PRPF39: variants seen among roughly 807,000 people sequenced by gnomAD.
PRPF39 encodes pre-mRNA processing factor 39.
In PRPF39, 27 loss-of-function variants were observed where a neutral mutation model predicts 82.1. The ratio of observed to expected loss-of-function variants is 0.33; its 90% confidence interval spans 0.24 to 0.45. PRPF39 has a LOEUF of 0.45. Among genes scored for constraint, PRPF39 ranks in the 20% least tolerant of loss-of-function variants. The pLI is 1.00. For synonymous variants in PRPF39, 261 were observed against 256.4 expected (o/e 1.02, Z -0.17); for missense variants, 581 against 796.9 (o/e 0.73, Z 3.26).
chr14:45,104,467 G>C lies in PRPF39; in HGVS notation c.737+1771G>C, dbSNP rs192406864. ...CCATAACACATGCCTCTTTCTTAAAGTCATTTATTTAGCATTTGCTGTGTA... is the reference window on the plus strand; with the variant it reads ...CCATAACACATGCCTCTTTCTTAAACTCATTTATTTAGCATTTGCTGTGTA... On this transcript the variant is annotated intron_variant, in intron 5 of 13. Transcript: ENST00000355765. 2.8e-4 allele frequency among the ~76,000 whole-genome samples: 43 copies of C among 151,794 alleles called. No individual in the cohort carries two copies. In the East Asian group the frequency reaches 8.0e-3, roughly 28 times the overall value.
At chr14:45,099,490 G>A (rs968875016) in intron 4 of PRPF39, among the ~76,000 whole-genome samples, 2 of 151,544 alleles carry the variant, frequency 1.3e-5, no homozygotes, top group African/African-American at 4.9e-5. Flanking sequence ...TCTCCCCCAG[G>A]GTGGAGTGCA....
chr14:45,100,397 T>C (rs1884337296), intron 4 of PRPF39, among the ~76,000 whole-genome samples: 1 of 152,224 alleles, frequency 6.6e-6, no homozygotes, highest in African/African-American at 2.4e-5. Flanking sequence ...ACCTTATATC[T>C]TATTCCTGAG....
Position 45,110,205 on chromosome 14 carries a change from T to C in PRPF39, c.1288T>C (p.Phe430Leu). 1 of 1,613,652 alleles carries C rather than the reference T, an allele frequency of 6.2e-7. No individual in the cohort carries two copies. The highest frequency in any genetic ancestry group is 8.5e-7 in the Non-Finnish European group (1 of 1,179,742). The change falls in exon 9 of 14, where the codon TTT (phenylalanine) becomes CTT (leucine). Residue 430 changes from phenylalanine (F) to leucine (L), a missense_variant. Transcript: ENST00000355765. This position sits in a 1 kb window ranked among gnomAD's most constrained non-coding sequence, Gnocchi z 4.0. ...KPMVHMLWAA[F>L]EEQQGNINEA... ...CATGGTGCATATGCTTTGGGCAGCT[T>C]TTGAGGAACAGCAGGGTAAGAGTGG... is the stretch of plus-strand genomic sequence containing the variant.
intron 1 of PRPF39, among the ~76,000 whole-genome samples, chr14:45,090,466 C>T (rs1883986334): frequency 6.6e-6 from 1 of 152,152 alleles, no homozygotes; most frequent in Non-Finnish European, 1.5e-5. Flanking sequence ...CAATACCAAC[C>T]TCTTCATTCT....
chr14:45,084,836 A>T (rs1883770744), intron 1 of PRPF39, among the ~76,000 whole-genome samples: 1 of 152,220 alleles, frequency 6.6e-6, no homozygotes, highest in African/African-American at 2.4e-5. Flanking sequence ...AACTTTGGTA[A>T]TCAGAGACCA....
intron 6 of PRPF39, among the ~76,000 whole-genome samples, chr14:45,108,133 C>A (rs903219839): frequency 6.6e-6 from 1 of 151,756 alleles, no homozygotes; most frequent in Non-Finnish European, 1.5e-5. Context: ...CTACAAGACA[C>A]CCCAAAAAAA....
chr14:45,097,277 G>A (rs376012617), intron 4 of PRPF39, among the ~76,000 whole-genome samples: 4 of 151,402 alleles, frequency 2.6e-5, no homozygotes, highest in Admixed American at 1.3e-4. Context: ...ATGTTTATGC[G>A]TATGCTTTCA....
Position 45,096,209 on chromosome 14 carries a change from A to G in PRPF39, c.431A>G (p.Asn144Ser), listed in dbSNP as rs201271047. ...GCAGACCTTGAAAAGCGGCACGACA[A>G]CATTAAACCATCAGATGAGGTGCGT... Reference protein sequence around the residue: ...KYADLEKRHDNIKPSDEVYRR... With the variant: ...KYADLEKRHDSIKPSDEVYRR... Residue 144 changes from asparagine (N) to serine (S), a missense_variant, in exon 3 of 14, where the codon AAC becomes AGC. Physicochemically the swap from Asn to Ser is conservative, Grantham distance 46. Transcript: ENST00000355765. 1.3e-6 allele frequency: 2 copies of G among 1,593,150 alleles called. No homozygotes were observed. The highest frequency in any genetic ancestry group is 2.7e-5 in the African/African-American group (2 of 74,616).
At chr14:45,098,054 T>C (rs574134963) in intron 4 of PRPF39, among the ~76,000 whole-genome samples, 5 of 152,334 alleles carry the variant, frequency 3.3e-5, no homozygotes, top group Admixed American at 3.3e-4. Context: ...TCATTCCTTA[T>C]CTTTCCAATA....
At chr14:45,091,611 G>C (rs1002921114) in intron 1 of PRPF39, among the ~76,000 whole-genome samples, 2 of 152,138 alleles carry the variant, frequency 1.3e-5, no homozygotes, top group African/African-American at 4.8e-5. Flanking sequence ...TTTACGAAGA[G>C]TGTATACAAA....
At chr14:45,092,974 C>T (rs946180469) in intron 1 of PRPF39, among the ~76,000 whole-genome samples, 1 of 152,070 alleles carries the variant, frequency 6.6e-6, no homozygotes, top group Admixed American at 6.5e-5. Context: ...AAACTTCTCC[C>T]CCCATTCAGT....
At chr14:45,100,488 G>A (rs925949510) in intron 4 of PRPF39, among the ~76,000 whole-genome samples, 2 of 152,148 alleles carry the variant, frequency 1.3e-5, no homozygotes, top group African/African-American at 4.8e-5. Context: ...ATAGCTGGGC[G>A]GGAAAGTTGA....
rs1448382490 is a variant in PRPF39, at chr14:45,115,374, T to G, written c.*461T>G. The G allele has an allele frequency of 6.6e-6, 1 of 152,532 alleles. No individual in the cohort carries two copies. The highest frequency in any genetic ancestry group is 6.6e-5 in the Admixed American group (1 of 15,250). 9.4% of individuals were successfully genotyped at this position (152,532 alleles called of 1,614,324 possible). ...GTCTGTTTCAGTTATACTTGTGAAT[T>G]GTGATCTAACTGCAGAAAGGATACA... is the stretch of plus-strand genomic sequence containing the variant. On this transcript the variant is annotated 3_prime_UTR_variant, in exon 14 of 14. Coordinates refer to ENST00000355765, the MANE Select transcript of PRPF39 (RefSeq NM_017922.4).
intron 10 of PRPF39, 33 bp from the exon 11 acceptor site, chr14:45,112,285 T>C: frequency 1.3e-6 from 2 of 1,500,016 alleles, no homozygotes; most frequent in South Asian, 1.3e-5. Flanking sequence ...AAAAATATTT[T>C]AGAAATATTC....
chr14:45,091,470 T>C (rs187196254), intron 1 of PRPF39, among the ~76,000 whole-genome samples: 5 of 152,348 alleles, frequency 3.3e-5, no homozygotes, highest in Admixed American at 3.3e-4. Context: ...TGGAAATGTT[T>C]TAGAATCTGG....
Position 45,110,930 on chromosome 14 carries a change from C to CA in PRPF39, c.1572+113_1572+114insA. Reference sequence around the variant, plus strand: ...GGTCTGTATGTAATAGATTTTATTACTAAATGAGGACAACAGTCCCTCTAA... The same window carrying CA: ...GGTCTGTATGTAATAGATTTTATTACATAAATGAGGACAACAGTCCCTCTAA... On this transcript the variant is annotated intron_variant, in intron 10 of 13. Coordinates refer to ENST00000355765, the MANE Select transcript of PRPF39 (RefSeq NM_017922.4). This position sits in a 1 kb window ranked among gnomAD's most constrained non-coding sequence, Gnocchi z 4.0. The CA allele has an allele frequency of 9.4e-7, 1 of 1,058,960 alleles. No homozygotes were observed. Among genetic ancestry groups the CA allele is most frequent in the Non-Finnish European group, 1.3e-6 (1 of 751,250 alleles). The allele number at this position is 1,058,960 out of a possible 1,614,324, so 65.6% of individuals were successfully genotyped here.
chr14:45,104,114 T>A (rs546456848), intron 5 of PRPF39, among the ~76,000 whole-genome samples: 71 of 152,298 alleles, frequency 4.7e-4, no homozygotes, highest in Admixed American at 2.2e-3. Flanking sequence ...TTAGACAGTA[T>A]GGCCCTGAAG....
chr14:45,096,504 C>T, intron 3 of PRPF39: 7 of 1,444,942 alleles, frequency 4.8e-6, no homozygotes, highest in Non-Finnish European at 6.5e-6. Flanking sequence ...TAGGGCAGGG[C>T]TTTTCTCTCA....
At chr14:45,085,892 A>T (rs767093326) in intron 1 of PRPF39, among the ~76,000 whole-genome samples, 1 of 152,076 alleles carries the variant, frequency 6.6e-6, no homozygotes, top group Non-Finnish European at 1.5e-5. Context: ...AGAATAGTCA[A>T]TGGTATAATT....
Sources: allele counts gnomAD v4.1 joint callset (sites outside exome capture counted in the v4.1 genomes callset), GRCh38; gene constraint gnomAD v4.1.1; non-coding constraint Gnocchi (gnomAD v3.1); transcripts MANE v1.5; gene names NCBI Gene and HGNC (gene_info 2026-07-23, HGNC 2026-07-21).